Variants in CLPX observed in about 807,000 individuals in gnomAD.
CLPX encodes ATP-dependent clpX-like chaperone, mitochondrial.
A neutral mutation model predicts 76.4 loss-of-function variants in CLPX; 34 were observed. The ratio of observed to expected loss-of-function variants is 0.45; its 90% CI spans 0.34 to 0.59. The LOEUF (loss-of-function observed/expected upper bound fraction) is 0.59. Ranked by LOEUF, CLPX falls within the 20% of genes least tolerant of loss-of-function variation. The pLI, the probability that CLPX is intolerant of heterozygous loss-of-function variation, is 0.01. For synonymous variants in CLPX, 248 were observed against 270.9 expected, an observed-to-expected ratio of 0.92 and a Z score of 0.83; for missense variants, 613 against 757.0, an observed-to-expected ratio of 0.81 and a Z score of 2.23.
chr15:65,156,177 C>T (rs546422796), intron 9 of CLPX, among the ~76,000 whole-genome samples: 4 of 152,198 alleles, frequency 2.6e-5, no homozygotes, highest in East Asian at 3.9e-4. Context: ...TGTTCAAGCA[C>T]GGTGGGAACA....
rs2087920612 is a variant in CLPX at position 65,166,788 on chromosome 15, G to A, written c.359-3C>T. The A allele has an allele frequency of 1.9e-6, 3 of 1,609,906 alleles. No homozygotes were observed. Among genetic ancestry groups the A allele is most frequent in the African/African-American group, 1.3e-5 (1 of 74,632 alleles). On this transcript the variant is annotated splice_polypyrimidine_tract_variant and splice_region_variant and intron_variant, in intron 3 of 13. Transcript: ENST00000300107. ...ACACTTGACAAAACGGGTGGATGCT[G>A]TAAAAGAAAACAGACATAAGTAGAG...
Position 65,158,675 on chromosome 15 carries a change from T to G in CLPX, c.792A>C (p.Gln264His), listed in dbSNP as rs374529359. Residue 264 changes from glutamine to histidine, a missense_variant, in exon 7 of 14, where the codon CAA (glutamine) becomes CAC (histidine). Transcript: ENST00000300107. ...CACCTCCTCGTTTTTCCTGAGGTAT[T>G]TGTTGATTTACCTGTTGCTGCATTG... ...GASMQQQVNQ[Q>H]IPQEKRGGEV... is the part of the protein sequence containing the mutation. 6 of 1,613,804 alleles carry G rather than the reference T, an allele frequency of 3.7e-6. No individual in the cohort carries two copies. The highest frequency in any genetic ancestry group is 2.7e-5 in the African/African-American group (2 of 74,926).
intron 3 of CLPX, among the ~76,000 whole-genome samples, chr15:65,172,106 A>G (rs2088016872): frequency 6.6e-6 from 1 of 152,046 alleles, no homozygotes; most frequent in African/African-American, 2.4e-5. Flanking sequence ...TGGGATTACA[A>G]GCATGCGCCA....
In CLPX at chr15:65,185,170, C is replaced by A. The variant is rs778913119; in HGVS notation, c.-17G>T. 9 of 1,554,340 alleles carry A rather than the reference C, an allele frequency of 5.8e-6. No individual in the cohort carries two copies. Among genetic ancestry groups the A allele is most frequent in the Non-Finnish European group, 7.0e-6 (8 of 1,148,270 alleles). ...GCTGGGCATCTCCGCGAGGCCTAGG[C>A]CGGGGCTTCGCCCCCTGAGGACCTC... On this transcript the variant is annotated 5_prime_UTR_variant, in exon 1 of 14. Coordinates refer to ENST00000300107, the MANE Select transcript of CLPX (RefSeq NM_006660.5).
At position 65,157,865 on chromosome 15, in the gene CLPX, G is replaced by C; in HGVS notation, c.938C>G (p.Pro313Arg). The C allele has an allele frequency of 6.2e-7, 1 of 1,612,040 alleles. No individual in the cohort carries two copies. Among genetic ancestry groups the C allele is most frequent in the Non-Finnish European group, 8.5e-7 (1 of 1,179,140 alleles). Residue 313 changes from proline (P) to arginine (R), a missense_variant, in exon 8 of 14, where the codon CCT (proline) becomes CGT (arginine). Around this residue, in one of 2 missense-constraint regions of CLPX, gnomAD observed 450 missense variants for 638.6 expected, o/e 0.70. Transcript: ENST00000300107. ...AQTLAKCLDV[P>R]FAICDCTTLT... ...AGTTGTACAGTCACAGATAGCAAAAGGGACATCAAGGCATTTAGCTAGGGT... is the reference window on the plus strand; with the variant it reads ...AGTTGTACAGTCACAGATAGCAAAACGGACATCAAGGCATTTAGCTAGGGT...
chr15:65,175,919 C>A (rs191604914), intron 3 of CLPX, among the ~76,000 whole-genome samples: 1 of 152,184 alleles, frequency 6.6e-6, no homozygotes, highest in African/African-American at 2.4e-5. Context: ...CTAGGGCCTA[C>A]AAATAGTTAG....
intron 1 of CLPX, among the ~76,000 whole-genome samples, chr15:65,180,879 G>A (rs1218247870): frequency 6.6e-6 from 1 of 151,230 alleles, no homozygotes; most frequent in African/African-American, 2.4e-5. Context: ...ACTCCAGCCT[G>A]GGTGACATAG....
chr15:65,156,889 T>C lies in CLPX; in HGVS notation c.1101A>G (p.Pro367=). The C allele has an allele frequency of 6.2e-7, 1 of 1,613,536 alleles. No individual in the cohort carries two copies. The change falls in exon 9 of 14, where the codon CCA becomes CCG. Residue 367 remains proline, a synonymous_variant. Coordinates refer to ENST00000300107, the MANE Select transcript of CLPX (RefSeq NM_006660.5). The part of the protein sequence containing the change: ...LDEVDKIGSV[P]GIHQLRDVGG... Reference sequence around the variant, plus strand: ...CTACATCCCGTAATTGATGAATGCCTGGCACACTGCCAATCTTATCTACTT... The same window carrying C: ...CTACATCCCGTAATTGATGAATGCCCGGCACACTGCCAATCTTATCTACTT...
chr15:65,163,781 C>T (rs909859538), intron 5 of CLPX, among the ~76,000 whole-genome samples: 1 of 152,094 alleles, frequency 6.6e-6, no homozygotes, highest in Non-Finnish European at 1.5e-5. Flanking sequence ...GCCACCATGC[C>T]AGGCCTAAGA....
rs779771028 is a variant in CLPX at position 65,166,675 on chromosome 15, C to T, written c.469G>A (p.Val157Ile). ...GGTTTCTGTTGGAATGCCAATTTTA[C>T]AGCTTCTGCTGCTGATTCAGGTTCT... The part of the protein sequence containing the change: ...IKEPESAAEA[V>I]KLAFQQKPPP... Residue 157 changes from valine (V) to isoleucine (I), a missense_variant, in exon 4 of 14, where the codon GTA becomes ATA. By Grantham distance (29) the Val-to-Ile change is conservative (BLOSUM62 3). Transcript: ENST00000300107. 1.9e-6 allele frequency: 3 copies of T among 1,614,176 alleles called. No individual in the cohort carries two copies. Among genetic ancestry groups the T allele is most frequent in the African/African-American group, 1.3e-5 (1 of 75,062 alleles).
At position 65,155,082 on chromosome 15, in the gene CLPX, C is replaced by G; in HGVS notation, c.1312-1G>C. 6.2e-7 allele frequency: 1 copy of G among 1,610,256 alleles called. No individual in the cohort carries two copies. Among genetic ancestry groups the G allele is most frequent in the Non-Finnish European group, 8.5e-7 (1 of 1,177,066 alleles). ...TAGATGGTGTTCCAAATCCAAGATACTGCCAAAGAAATGATGCATATTTAT... is the reference window on the plus strand; with the variant it reads ...TAGATGGTGTTCCAAATCCAAGATAGTGCCAAAGAAATGATGCATATTTAT... On this transcript the variant is annotated splice_acceptor_variant, in intron 10 of 13. Transcript: ENST00000300107. LOFTEE classifies it high-confidence loss of function.
chr15:65,176,105 T>A (rs758602672), intron 3 of CLPX, among the ~76,000 whole-genome samples: 1 of 152,240 alleles, frequency 6.6e-6, no homozygotes, highest in Non-Finnish European at 1.5e-5. Context: ...CAAACAGGCC[T>A]CAGCCTTGAA....
intron 2 of CLPX, 36 bp from the exon 3 acceptor site, chr15:65,179,087 AATT>A (rs2088128814): frequency 9.0e-6 from 12 of 1,327,494 alleles, no homozygotes; most frequent in Admixed American, 1.8e-5. Flanking sequence ...GAAGAGTGTC[AATT>A]ATTAGTTTCA....
At chr15:65,183,201 G>A (rs899786598) in intron 1 of CLPX, among the ~76,000 whole-genome samples, 2 of 151,720 alleles carry the variant, frequency 1.3e-5, no homozygotes, top group South Asian at 2.1e-4. Context: ...GGTGGCTCAC[G>A]CCTGTAATCC....
At chr15:65,153,206 T>C (rs1331702450) in intron 12 of CLPX, among the ~76,000 whole-genome samples, 1 of 151,252 alleles carries the variant, frequency 6.6e-6, no homozygotes, top group Non-Finnish European at 1.5e-5. Flanking sequence ...TCCCAGCACT[T>C]TGGGAGGCTG....
Position 65,150,712 on chromosome 15 carries a change from A to G in CLPX, c.*111T>C, listed in dbSNP as rs2087708498. The G allele has an allele frequency of 1.7e-6, 1 of 601,006 alleles. No individual in the cohort carries two copies. Among genetic ancestry groups the G allele is most frequent in the South Asian group, 3.3e-5 (1 of 30,520 alleles). 37.2% of individuals were successfully genotyped at this position (601,006 alleles called of 1,614,324 possible). A position where few individuals can be genotyped will look rare whatever the true frequency, so the allele number is the denominator to read the frequency against. On this transcript the variant is annotated 3_prime_UTR_variant, in exon 14 of 14. Transcript: ENST00000300107. ...TCTTCTCCTAAAGGCTTCTCTGACCATGTATGATATCCAAGATAGATCCAA... is the reference window on the plus strand; with the variant it reads ...TCTTCTCCTAAAGGCTTCTCTGACCGTGTATGATATCCAAGATAGATCCAA...
chr15:65,154,698 T>C, intron 11 of CLPX, 84 bp downstream of exon 11: 2 of 1,043,466 alleles, frequency 1.9e-6, no homozygotes, highest in East Asian at 2.6e-5. Context: ...GAGCAGAATT[T>C]GTTTTTGTTG....
intron 5 of CLPX, among the ~76,000 whole-genome samples, chr15:65,163,635 GT>G (rs2087877482): frequency 6.6e-6 from 1 of 151,956 alleles, no homozygotes; most frequent in Non-Finnish European, 1.5e-5. Flanking sequence ...CTACAGCCAT[GT>G]GCCACCCCAC....
In CLPX at chr15:65,150,514, T is replaced by C. The variant is rs981179140; in HGVS notation, c.*309A>G. 2 of 205,088 alleles carry C rather than the reference T, an allele frequency of 9.8e-6. No individual in the cohort carries two copies. The highest frequency in any genetic ancestry group is 1.9e-5 in the Non-Finnish European group (2 of 103,348). The allele number at this position is 205,088 out of a possible 1,614,324, so 12.7% of individuals were successfully genotyped here. A position where few individuals can be genotyped will look rare whatever the true frequency, so the allele number is the denominator to read the frequency against. ...AACATTATTGTAAAATCTACAGTTA[T>C]CGCAATACCTGCATTGCTTAAAAGA... On this transcript the variant is annotated 3_prime_UTR_variant, in exon 14 of 14. Transcript: ENST00000300107.
Sources: allele counts gnomAD v4.1 joint callset (sites outside exome capture counted in the v4.1 genomes callset), GRCh38; gene constraint gnomAD v4.1.1; regional missense constraint gnomAD v4.1.1; transcripts MANE v1.5; gene names NCBI Gene and HGNC (gene_info 2026-07-23, HGNC 2026-07-21).